The following GLCCI1 variants were observed in gnomAD, a reference collection of about 807,000 sequenced individuals.
The protein encoded by GLCCI1 is glucocorticoid-induced transcript 1 protein.
A neutral mutation model predicts 52.2 loss-of-function variants in GLCCI1; 24 were observed. That is an observed-to-expected ratio of 0.46 (90% confidence interval 0.33 to 0.65). GLCCI1 has a LOEUF of 0.65. GLCCI1 is among the 30% of genes least tolerant of loss of function. The pLI, the probability that GLCCI1 is intolerant of heterozygous loss-of-function variation, is 0.02. For missense variants in GLCCI1, 704 were observed against 701.5 expected (o/e 1.00, Z -0.04); for synonymous variants, 310 against 276.5 (o/e 1.12, Z -1.20).
intron 6 of GLCCI1, among the ~76,000 whole-genome samples, chr7:8,080,841 G>T (rs116973462): frequency 0.041 from 5,253 of 128,180 alleles, 125 homozygotes; most frequent in Non-Finnish European, 0.062. Context: ...TGGTTTTGGG[G>T]TTTTTTTTTT....
intron 1 of GLCCI1, among the ~76,000 whole-genome samples, chr7:7,990,841 A>G (rs1180232529): frequency 6.6e-6 from 1 of 152,108 alleles, no homozygotes; most frequent in Non-Finnish European, 1.5e-5. Context: ...TGAAGCCTTC[A>G]TTCTGTTGAG....
At chr7:8,066,761 T>G (rs979173447) in intron 5 of GLCCI1, among the ~76,000 whole-genome samples, 4 of 152,118 alleles carry the variant, frequency 2.6e-5, no homozygotes, top group Non-Finnish European at 5.9e-5. Context: ...TGGCATGATT[T>G]CAGTTTTTTT....
chr7:7,980,615 A>G (rs562757786), intron 1 of GLCCI1: 1 of 777,200 alleles, frequency 1.3e-6, no homozygotes, highest in Non-Finnish European at 2.2e-6. Context: ...TATGGTGATC[A>G]AGCAAGCTTT....
At chr7:7,973,302 T>TA (rs940797245) in intron 1 of GLCCI1, among the ~76,000 whole-genome samples, 11 of 152,124 alleles carry the variant, frequency 7.2e-5, no homozygotes, top group African/African-American at 2.4e-4. Flanking sequence ...GAAAATATAG[T>TA]AAAGTTGCTT....
chr7:7,985,850 G>A (rs1160575884), intron 1 of GLCCI1, among the ~76,000 whole-genome samples: 1 of 152,086 alleles, frequency 6.6e-6, no homozygotes, highest in African/African-American at 2.4e-5. Flanking sequence ...TTCTCTGCTG[G>A]GGTTGGCTTT....
intron 1 of GLCCI1, among the ~76,000 whole-genome samples, chr7:7,974,495 T>G (rs1178809597): frequency 1.3e-5 from 2 of 152,112 alleles, no homozygotes; most frequent in African/African-American, 2.4e-5. Context: ...CAAATTAGGA[T>G]TTGTACTTTG....
chr7:8,033,216 A>T (rs1781795064), intron 3 of GLCCI1, among the ~76,000 whole-genome samples: 2 of 122,174 alleles, frequency 1.6e-5, no homozygotes, highest in African/African-American at 6.0e-5. Context: ...TTCATGATTA[A>T]AAAAAAAAAT....
At chr7:8,012,935 A>G (rs258853) in intron 2 of GLCCI1, among the ~76,000 whole-genome samples, 1 of 151,884 alleles carries the variant, frequency 6.6e-6, no homozygotes, top group Admixed American at 6.6e-5. Context: ...TCTTTGATCC[A>G]TTTGAGTCCA....
At chr7:7,988,777 A>G (rs369326105) in intron 1 of GLCCI1, among the ~76,000 whole-genome samples, 20 of 152,330 alleles carry the variant, frequency 1.3e-4, no homozygotes, top group Admixed American at 1.0e-3. Context: ...AAAGTCTTCT[A>G]TAGTAGACTC....
intron 5 of GLCCI1, among the ~76,000 whole-genome samples, chr7:8,062,565 G>C (rs1249782707): frequency 6.6e-6 from 1 of 152,124 alleles, no homozygotes; most frequent in African/African-American, 2.4e-5. Flanking sequence ...TCACCACCCA[G>C]GTAATAAGCA....
intron 1 of GLCCI1, among the ~76,000 whole-genome samples, chr7:7,995,479 TA>T (rs1270467041): frequency 6.6e-6 from 1 of 152,196 alleles, no homozygotes; most frequent in Non-Finnish European, 1.5e-5. Flanking sequence ...CACTGCACTC[TA>T]GTCTGGGTGA....
rs1427663109 is a variant in GLCCI1 at position 8,022,472 on chromosome 7, AT to A, written c.610-5del. The A allele has an allele frequency of 1.4e-6, 2 of 1,473,088 alleles. No homozygotes were observed. Among genetic ancestry groups the A allele is most frequent in the East Asian group, 2.5e-5 (1 of 39,918 alleles). The allele number at this position is 1,473,088 out of a possible 1,614,324, so 91.3% of individuals were successfully genotyped here. On this transcript the variant is annotated splice_polypyrimidine_tract_variant and intron_variant, in intron 2 of 7. Coordinates refer to ENST00000223145, the MANE Select transcript of GLCCI1 (RefSeq NM_138426.4). ...AATTTCTTATTTTATTTATATATAT[AT>A]TTTTTAAAGACACCTAGCTGTTGGG...
At chr7:8,033,123 A>T (rs1052920284) in intron 3 of GLCCI1, among the ~76,000 whole-genome samples, 3 of 152,052 alleles carry the variant, frequency 2.0e-5, no homozygotes, top group African/African-American at 7.2e-5. Context: ...AATGGCATGA[A>T]TTATATTAAT....
intron 2 of GLCCI1, among the ~76,000 whole-genome samples, chr7:8,019,746 A>G (rs1781448055): frequency 6.6e-6 from 1 of 152,204 alleles, no homozygotes; most frequent in Non-Finnish European, 1.5e-5. Context: ...GACTGTAGGC[A>G]ACTGTAACGT....
intron 3 of GLCCI1, among the ~76,000 whole-genome samples, chr7:8,025,977 A>G (rs1781611256): frequency 6.6e-6 from 1 of 152,236 alleles, no homozygotes; most frequent in South Asian, 2.1e-4. Context: ...TCAGGCTGAA[A>G]GGAAGTAACA....
At chr7:8,009,464 T>A (rs1781218122) in intron 2 of GLCCI1, among the ~76,000 whole-genome samples, 1 of 152,214 alleles carries the variant, frequency 6.6e-6, no homozygotes, top group African/African-American at 2.4e-5. Flanking sequence ...CCAGGTATAG[T>A]AATGATTAGA....
rs186008065 is a variant in GLCCI1, at chr7:8,044,003, G to T, written c.697-11430G>T. 8.7e-3 allele frequency among the ~76,000 whole-genome samples: 1,306 copies of T among 150,824 alleles called. 20 individuals carry two copies. Among genetic ancestry groups the T allele is most frequent in the African/African-American group, 0.03 (1,221 of 41,088 alleles). On this transcript the variant is annotated intron_variant, in intron 3 of 7. Transcript: ENST00000223145. ...TCTGTCACCCAGGCTGGAGTGCAGT[G>T]GCGCGATCTCCGCTCACTGCAAGCT...
At chr7:8,025,893 A>G (rs1460465724) in intron 3 of GLCCI1, among the ~76,000 whole-genome samples, 1 of 152,238 alleles carries the variant, frequency 6.6e-6, no homozygotes, top group African/African-American at 2.4e-5. Flanking sequence ...AGGTGAAAAA[A>G]TGGCATTCCC....
intron 3 of GLCCI1, among the ~76,000 whole-genome samples, chr7:8,026,191 T>C (rs1416668053): frequency 1.3e-5 from 2 of 152,166 alleles, no homozygotes; most frequent in African/African-American, 2.4e-5. Flanking sequence ...TATTGTGATA[T>C]AGATTGTGAT....
Sources: gnomAD v4.1 joint callset for allele counts (sites outside exome capture counted in the v4.1 genomes callset) on GRCh38, gnomAD v4.1.1 for gene constraint, MANE v1.5 for transcripts, NCBI Gene and HGNC (gene_info 2026-07-23, HGNC 2026-07-21) for gene names.